SLC12A5: variants seen among roughly 807,000 people sequenced by gnomAD.
SLC12A5 encodes solute carrier family 12 member 5, also known as K-Cl cotransporter 2.
In SLC12A5, 18 loss-of-function variants were observed where a neutral mutation model predicts 124.0. That is an observed-to-expected ratio of 0.15 (90% CI 0.10 to 0.22). The LOEUF is 0.22. Ranked by LOEUF, SLC12A5 falls within the 10% of genes least tolerant of loss-of-function variation. The probability of loss-of-function intolerance (pLI) is 1.00; values close to 1 mark genes in which losing one functional copy is unlikely to be tolerated. For synonymous variants in SLC12A5, 589 were observed against 568.0 expected, an observed-to-expected ratio of 1.04 and a Z score of -0.53; for missense variants, 867 against 1,478.7, an observed-to-expected ratio of 0.59 and a Z score of 6.78.
intron 17 of SLC12A5, 152 bp downstream of exon 17, chr20:46,049,942 T>TA: frequency 2.9e-6 from 3 of 1,041,524 alleles, no homozygotes; most frequent in Non-Finnish European, 4.0e-6. Flanking sequence ...CCTAAGAGCC[T>TA]AGACAGTGAG....
intron 17 of SLC12A5, among the ~76,000 whole-genome samples, chr20:46,050,820 T>A (rs1442572133): frequency 6.6e-6 from 1 of 152,202 alleles, no homozygotes; most frequent in African/African-American, 2.4e-5. Flanking sequence ...CGGATGTCGA[T>A]AAATGCTGTT....
Position 46,041,524 on chromosome 20 carries a change from C to G in SLC12A5, c.1050C>G (p.Ala350=). The G allele has an allele frequency of 6.2e-7, 1 of 1,613,924 alleles. No homozygotes were observed. Among genetic ancestry groups the G allele is most frequent in the Non-Finnish European group, 8.5e-7 (1 of 1,179,972 alleles). Residue 350 remains alanine, a synonymous_variant, in exon 8 of 26, where the codon GCC becomes GCG. Coordinates refer to ENST00000243964, the MANE Select transcript of SLC12A5 (RefSeq NM_020708.5). Reference sequence around the variant, plus strand: ...AGATCCAGGGCATCCCTGGTGCTGCCAGTGGCCTCATCAAAGGTCTGCGGA... The same window carrying G: ...AGATCCAGGGCATCCCTGGTGCTGCGAGTGGCCTCATCAAAGGTCTGCGGA... ...VTEIQGIPGA[A]SGLIKENLWS...
chr20:46,034,873 G>T, intron 1 of SLC12A5, 75 bp from the exon 2 acceptor site: 16 of 1,356,044 alleles, frequency 1.2e-5, no homozygotes, highest in Non-Finnish European at 1.5e-5. Flanking sequence ...GGCTACTGTG[G>T]CTACACCACT....
chr20:46,047,442 C>T lies in SLC12A5; in HGVS notation c.1788-12C>T. The T allele has an allele frequency of 1.2e-6, 2 of 1,612,802 alleles. No homozygotes were observed. Among genetic ancestry groups the T allele is most frequent in the South Asian group, 1.1e-5 (1 of 90,958 alleles). ...CTGGGGCTCAGAGGCTGGGTCTCCCCACCTTGTCTAGGACCCTCTCCTTCC... is the reference window on the plus strand; with the variant it reads ...CTGGGGCTCAGAGGCTGGGTCTCCCTACCTTGTCTAGGACCCTCTCCTTCC... On this transcript the variant is annotated splice_polypyrimidine_tract_variant and intron_variant, in intron 14 of 25. Transcript: ENST00000243964.
chr20:46,053,546 G>T lies in SLC12A5; in HGVS notation c.2548-32G>T. The T allele has an allele frequency of 6.2e-7, 1 of 1,611,892 alleles. No homozygotes were observed. The highest frequency in any genetic ancestry group is 8.5e-7 in the Non-Finnish European group (1 of 1,179,252). On this transcript the variant is annotated intron_variant, in intron 19 of 25. Transcript: ENST00000243964. This position sits in a 1 kb window ranked among gnomAD's most constrained non-coding sequence, Gnocchi z 4.7. ...TGGATCTCCTCATCACATCTGGGCT[G>T]GACCTTTCTGAATCCCCTTCATCGC...
rs2084632285 is a variant in SLC12A5, at chr20:46,049,804, C to G, written c.2181+14C>G. On this transcript the variant is annotated intron_variant, in intron 17 of 25. Transcript: ENST00000243964. ...CGGGCAGAAGAGGTGAGCAGAGGCC[C>G]TGGTTGGGCTTGGGAAAAGGTCAGG... 1 of 1,572,056 alleles carries G rather than the reference C, an allele frequency of 6.4e-7. No homozygotes were observed. The highest frequency in any genetic ancestry group is 1.3e-5 in the African/African-American group (1 of 74,420).
At position 46,044,476 on chromosome 20, in the gene SLC12A5, C is replaced by G. The variant is rs552062696; in HGVS notation, c.1395-490C>G. Among the ~76,000 whole-genome samples, 8 of 152,304 alleles carry G rather than the reference C, an allele frequency of 5.3e-5. No homozygotes were observed. The South Asian group carries it at 1.7e-3, about 32-fold the overall frequency. On this transcript the variant is annotated intron_variant, in intron 11 of 25. Coordinates refer to ENST00000243964, the MANE Select transcript of SLC12A5 (RefSeq NM_020708.5). ...GAAGTGTCTTATACACTTTATCTCA[C>G]TTATCCTTCCTGCTTTTAAGGCTGA...
At chr20:46,036,191 A>T (rs1470379183) in intron 4 of SLC12A5, 1 of 397,970 alleles carries the variant, frequency 2.5e-6, no homozygotes, top group East Asian at 3.8e-5. Flanking sequence ...AGGGTAGGGA[A>T]GAAAATAAAA....
chr20:46,034,715 C>T (rs956021846), intron 1 of SLC12A5, among the ~76,000 whole-genome samples: 10 of 152,076 alleles, frequency 6.6e-5, no homozygotes, highest in Admixed American at 5.2e-4. Context: ...GAATAGGACC[C>T]CCAAGAGCAA....
chr20:46,047,253 C>T (rs983950434), intron 14 of SLC12A5, among the ~76,000 whole-genome samples: 1 of 152,156 alleles, frequency 6.6e-6, no homozygotes, highest in African/African-American at 2.4e-5. Flanking sequence ...GGGTAGTGCC[C>T]TGTCTGTGGC....
chr20:46,022,907 G>A (rs2084366625), intron 1 of SLC12A5: 1 of 392,716 alleles, frequency 2.5e-6, no homozygotes, highest in Non-Finnish European at 4.5e-6. Context: ...GGTCTGGAAG[G>A]AACAAGGCGA....
chr20:46,054,617 C>T (rs1018720225), intron 20 of SLC12A5, among the ~76,000 whole-genome samples: 3 of 152,218 alleles, frequency 2.0e-5, no homozygotes, highest in South Asian at 2.1e-4. Context: ...TTTCCCTTCT[C>T]CATTCACCCA....
rs1229811139 is a variant in SLC12A5, at chr20:46,045,858, G to C, written c.1570-20G>C. 6.2e-7 allele frequency: 1 copy of C among 1,607,874 alleles called. No homozygotes were observed. Among genetic ancestry groups the C allele is most frequent in the Admixed American group, 1.7e-5 (1 of 59,986 alleles). ...GAAATCCTTGAGGTCTCAGTCCCAT[G>C]ATGATTGCTCTTTCCCCAGGTCTTT... On this transcript the variant is annotated intron_variant, in intron 12 of 25. Transcript: ENST00000243964. The surrounding 1 kb of genome is among the most constrained non-coding windows in gnomAD (Gnocchi z 4.9).
upstream of SLC12A5, chr20:46,021,726 T>G (rs752445184): frequency 3.3e-5 from 50 of 1,531,712 alleles, no homozygotes; most frequent in Non-Finnish European, 4.3e-5. Context: ...ACTTGTGCGA[T>G]CCCGGACCTT....
At chr20:46,043,131 T>G in intron 8 of SLC12A5, 22 bp from the exon 9 acceptor site, 1 of 1,609,072 alleles carries the variant, frequency 6.2e-7, no homozygotes, top group Non-Finnish European at 8.5e-7. Context: ...GGCCTCCCCC[T>G]GAGCATTCTG....
Position 46,059,516 on chromosome 20 carries a change from T to C in SLC12A5, c.*1911T>C, listed in dbSNP as rs2084732151. 2.5e-6 allele frequency: 1 copy of C among 398,882 alleles called. No individual in the cohort carries two copies. Among genetic ancestry groups the C allele is most frequent in the Non-Finnish European group, 4.4e-6 (1 of 226,060 alleles). The allele number at this position is 398,882 out of a possible 1,614,324, so 24.7% of individuals were successfully genotyped here. A position where few individuals can be genotyped will look rare whatever the true frequency, so the allele number is the denominator to read the frequency against. ...TCCTGCCTTCTGGGGGCCTGAATAT[T>C]CCAGAGCTGATGTGATGGGCTGTGC... is the stretch of plus-strand genomic sequence containing the variant. On this transcript the variant is annotated 3_prime_UTR_variant, in exon 26 of 26. Transcript: ENST00000243964.
At chr20:46,039,970 T>G (rs958914452) in intron 6 of SLC12A5, among the ~76,000 whole-genome samples, 4 of 152,232 alleles carry the variant, frequency 2.6e-5, no homozygotes, top group African/African-American at 9.6e-5. Context: ...TTAAGAATTA[T>G]AATTAACAAA....
intron 1 of SLC12A5, among the ~76,000 whole-genome samples, chr20:46,031,742 C>T (rs1428910469): frequency 6.6e-6 from 1 of 152,322 alleles, no homozygotes; most frequent in East Asian, 1.9e-4. Context: ...CTCTGGCCGC[C>T]GCAGCTTAAT....
intron 3 of SLC12A5, 67 bp from the exon 4 acceptor site, chr20:46,035,710 G>C (rs1397120056): frequency 1.1e-5 from 17 of 1,558,054 alleles, no homozygotes; most frequent in Non-Finnish European, 1.5e-5. Context: ...GAAACATGGA[G>C]GAGGAGCACA....
Sources: gnomAD v4.1 joint callset for allele counts (sites outside exome capture counted in the v4.1 genomes callset) on GRCh38, gnomAD v4.1.1 for gene constraint, Gnocchi (gnomAD v3.1) non-coding constraint, MANE v1.5 for transcripts, NCBI Gene and HGNC (gene_info 2026-07-23, HGNC 2026-07-21) for gene names.